ZMYM2: variants seen among roughly 807,000 people sequenced by gnomAD.
ZMYM2 encodes the protein zinc finger MYM-type protein 2.
ZMYM2 carries 56 observed loss-of-function variants against 162.8 expected under a neutral mutation model. The ratio of observed to expected loss-of-function variants is 0.34; its 90% CI spans 0.28 to 0.43. The LOEUF (loss-of-function observed/expected upper bound fraction) is 0.43, where lower values mean the gene tolerates loss of function less well. Ranked by LOEUF, ZMYM2 falls within the 20% of genes least tolerant of loss-of-function variation. The pLI, the probability that ZMYM2 is intolerant of heterozygous loss-of-function variation, is 1.00. For missense variants in ZMYM2, 1,275 were observed against 1,621.8 expected, an observed-to-expected ratio of 0.79 and a Z score of 3.67; for synonymous variants, 510 against 541.6, an observed-to-expected ratio of 0.94 and a Z score of 0.81.
chr13:19,938,366 G>T, the ZMYM2 span, among the ~76,000 whole-genome samples: 1 of 152,050 alleles, frequency 6.6e-6, no homozygotes, highest in Non-Finnish European at 1.5e-5. Flanking sequence ...AAAATTAGCC[G>T]GGCGTGATGG....
At chr13:19,961,992 A>G (rs1227179470) in intron 2 of ZMYM2, among the ~76,000 whole-genome samples, 2 of 151,864 alleles carry the variant, frequency 1.3e-5, no homozygotes, top group African/African-American at 4.9e-5. Context: ...ATCCTTTCTA[A>G]TATCTGTTCC....
the ZMYM2 span, among the ~76,000 whole-genome samples, chr13:19,877,666 T>A: frequency 1.3e-5 from 2 of 152,236 alleles, no homozygotes; most frequent in Non-Finnish European, 2.9e-5. Context: ...TGTGACTGCC[T>A]TATTTCACTT....
chr13:19,923,811 C>T, the ZMYM2 span, among the ~76,000 whole-genome samples: 1 of 151,726 alleles, frequency 6.6e-6, no homozygotes, highest in Non-Finnish European at 1.5e-5. Context: ...GCTGGGATTA[C>T]AGGTAGGAGT....
chr13:20,003,639 T>C (rs1386750364), intron 4 of ZMYM2, among the ~76,000 whole-genome samples: 1 of 144,050 alleles, frequency 6.9e-6, no homozygotes, highest in East Asian at 2.1e-4. Context: ...TTTTCTTTTC[T>C]TTTTTTTTTT....
At chr13:19,890,309 T>C in the ZMYM2 span, among the ~76,000 whole-genome samples, 2 of 151,428 alleles carry the variant, frequency 1.3e-5, no homozygotes, top group African/African-American at 2.4e-5. Flanking sequence ...TGGGACTACT[T>C]GAGACCACCA....
the ZMYM2 span, among the ~76,000 whole-genome samples, chr13:19,929,878 A>T: frequency 6.6e-6 from 1 of 152,132 alleles, no homozygotes; most frequent in Non-Finnish European, 1.5e-5. Flanking sequence ...ATGTATTTCA[A>T]TTTCTTGAAT....
At chr13:19,885,950 TAC>T in the ZMYM2 span, among the ~76,000 whole-genome samples, 2,366 of 79,658 alleles carry the variant, frequency 0.03, 1,015 homozygotes, top group Non-Finnish European at 0.048. Flanking sequence ...TATATGTATA[TAC>T]ACATATATAT....
chr13:19,982,905 C>T (rs868570704), intron 2 of ZMYM2, among the ~76,000 whole-genome samples: 1 of 152,148 alleles, frequency 6.6e-6, no homozygotes, highest in East Asian at 1.9e-4. Flanking sequence ...CTCCTATCTT[C>T]CCTTCCTTGT....
chr13:19,974,586 C>T (rs567057728), intron 2 of ZMYM2, among the ~76,000 whole-genome samples: 1 of 151,978 alleles, frequency 6.6e-6, no homozygotes, highest in African/African-American at 2.4e-5. Flanking sequence ...ATTCTCCTGC[C>T]TCAGCCTCCT....
chr13:19,944,377 A>G, the ZMYM2 span, among the ~76,000 whole-genome samples: 19 of 152,372 alleles, frequency 1.2e-4, no homozygotes, highest in African/African-American at 4.3e-4. Flanking sequence ...TGAGTAATAC[A>G]GTTTAAATAA....
intron 2 of ZMYM2, among the ~76,000 whole-genome samples, chr13:19,980,360 CTGTT>C (rs1215579769): frequency 6.6e-6 from 1 of 151,800 alleles, no homozygotes; most frequent in Non-Finnish European, 1.5e-5. Context: ...CTTTTTTTGT[CTGTT>C]TGGTCCGTCT....
chr13:19,975,536 G>C (rs1956705109), intron 2 of ZMYM2, among the ~76,000 whole-genome samples: 1 of 152,188 alleles, frequency 6.6e-6, no homozygotes, highest in African/African-American at 2.4e-5. Context: ...ATTCCCCTGT[G>C]TATGTTTACC....
intron 17 of ZMYM2, 113 bp from the exon 18 acceptor site, chr13:20,062,733 C>G: frequency 9.3e-7 from 1 of 1,071,724 alleles, no homozygotes; most frequent in South Asian, 2.2e-5. Flanking sequence ...TGACATTATA[C>G]GTATTTTTTT....
At chr13:19,875,043 T>A in the ZMYM2 span, among the ~76,000 whole-genome samples, 1 of 152,240 alleles carries the variant, frequency 6.6e-6, no homozygotes, top group Non-Finnish European at 1.5e-5. Flanking sequence ...AATTGCCACC[T>A]GAGCCAGCAG....
the ZMYM2 span, among the ~76,000 whole-genome samples, chr13:19,892,757 C>T: frequency 2.8e-4 from 42 of 151,044 alleles, 1 homozygote; most frequent in South Asian, 8.1e-3. Flanking sequence ...CTGTGTCACC[C>T]GGGCTGGGTT....
At chr13:20,064,567 T>C (rs1450454231) in intron 19 of ZMYM2, 22 bp downstream of exon 19, 4 of 1,518,594 alleles carry the variant, frequency 2.6e-6, no homozygotes, top group Admixed American at 4.1e-5. Flanking sequence ...TAATAGCCTA[T>C]ATAACAATAT....
the ZMYM2 span, among the ~76,000 whole-genome samples, chr13:19,952,423 T>C: frequency 1.3e-5 from 2 of 152,190 alleles, no homozygotes; most frequent in African/African-American, 4.8e-5. Flanking sequence ...AAATAATAAG[T>C]ATGTGAGGTT....
intron 2 of ZMYM2, among the ~76,000 whole-genome samples, chr13:19,989,393 TC>T (rs1949427565): frequency 6.6e-6 from 1 of 152,152 alleles, no homozygotes; most frequent in East Asian, 1.9e-4. Context: ...AACCTCCATG[TC>T]CCAGGTTCAA....
At chr13:19,882,491 A>G in the ZMYM2 span, among the ~76,000 whole-genome samples, 1 of 152,166 alleles carries the variant, frequency 6.6e-6, no homozygotes, top group Non-Finnish European at 1.5e-5. Flanking sequence ...TCACACCTGT[A>G]ATCCTAGCAT....
Sources: allele counts gnomAD v4.1 joint callset (sites outside exome capture counted in the v4.1 genomes callset), GRCh38; gene constraint gnomAD v4.1.1; transcripts MANE v1.5; gene names NCBI Gene and HGNC (gene_info 2026-07-23, HGNC 2026-07-21).